Variants in CYP39A1 observed in about 807,000 individuals in gnomAD.
CYP39A1 encodes the protein cytochrome P450 family 39 subfamily A member 1.
Under a neutral mutation model 58.1 loss-of-function variants are expected in CYP39A1, and 49 were observed. The observed-to-expected ratio is 0.84, with a 90% CI of 0.67 to 1.07. The LOEUF (loss-of-function observed/expected upper bound fraction) is 1.07. CYP39A1 is among the 50% of genes least tolerant of loss of function. The pLI, the probability that CYP39A1 is intolerant of heterozygous loss-of-function variation, is 0.00. For synonymous variants in CYP39A1, 209 were observed against 187.6 expected (o/e 1.11, Z -0.93); for missense variants, 531 against 539.4 (o/e 0.98, Z 0.16).
intron 7 of CYP39A1, among the ~76,000 whole-genome samples, chr6:46,613,773 A>G (rs1453049492): frequency 6.6e-6 from 1 of 151,556 alleles, no homozygotes; most frequent in Non-Finnish European, 1.5e-5. Flanking sequence ...CCTGAATTAG[A>G]AATGAAAATT....
intron 10 of CYP39A1, among the ~76,000 whole-genome samples, chr6:46,568,905 C>T (rs895494139): frequency 7.3e-6 from 1 of 137,904 alleles, no homozygotes; most frequent in Non-Finnish European, 1.5e-5. Flanking sequence ...TCAGAATAGG[C>T]TTTTCTATTT....
intron 1 of CYP39A1, among the ~76,000 whole-genome samples, chr6:46,642,770 G>T (rs370285900): frequency 6.6e-6 from 1 of 152,076 alleles, no homozygotes; most frequent in African/African-American, 2.4e-5. Context: ...CACTTTCCTA[G>T]TTTTCAAAAT....
intron 7 of CYP39A1, among the ~76,000 whole-genome samples, chr6:46,623,672 C>T (rs1775118216): frequency 6.6e-6 from 1 of 151,934 alleles, no homozygotes; most frequent in Admixed American, 6.6e-5. Context: ...TAATTGGTTC[C>T]ATTTCTCTGG....
chr6:46,627,509 C>T (rs539702138), intron 6 of CYP39A1, among the ~76,000 whole-genome samples: 12 of 152,008 alleles, frequency 7.9e-5, no homozygotes, highest in African/African-American at 2.9e-4. Flanking sequence ...AGCTCCGCCT[C>T]CTGGGTTCAC....
intron 10 of CYP39A1, among the ~76,000 whole-genome samples, chr6:46,560,945 G>A (rs1770940611): frequency 6.6e-6 from 1 of 152,088 alleles, no homozygotes; most frequent in South Asian, 2.1e-4. Flanking sequence ...GAAGGTGTGA[G>A]CCAGCCTATC....
intron 10 of CYP39A1, among the ~76,000 whole-genome samples, chr6:46,558,437 T>C (rs1263302557): frequency 1.3e-5 from 2 of 152,044 alleles, no homozygotes; most frequent in Non-Finnish European, 2.9e-5. Context: ...TACACCATCA[T>C]ATCTCGTGAG....
intron 1 of CYP39A1, among the ~76,000 whole-genome samples, chr6:46,645,745 A>C (rs1473132693): frequency 6.6e-6 from 1 of 152,164 alleles, no homozygotes; most frequent in African/African-American, 2.4e-5. Context: ...CCTGGATATC[A>C]GTTTGGAGGA....
intron 6 of CYP39A1, among the ~76,000 whole-genome samples, chr6:46,629,852 C>T (rs956588612): frequency 6.6e-6 from 1 of 152,132 alleles, no homozygotes; most frequent in African/African-American, 2.4e-5. Context: ...GTGAGAACCT[C>T]CTGGCCCAGG....
At chr6:46,562,144 T>G (rs1771014420) in intron 10 of CYP39A1, among the ~76,000 whole-genome samples, 1 of 152,068 alleles carries the variant, frequency 6.6e-6, no homozygotes, top group Admixed American at 6.6e-5. Context: ...TCCCTCAGCC[T>G]CCTGAGTAGC....
At chr6:46,583,153 C>G in intron 10 of CYP39A1, 1 of 985,338 alleles carries the variant, frequency 1.0e-6, no homozygotes, top group Non-Finnish European at 1.2e-6. Context: ...TTCATTTTAA[C>G]TTCTCAAGTA....
chr6:46,609,537 C>T (rs1774079337), intron 7 of CYP39A1, among the ~76,000 whole-genome samples: 1 of 152,036 alleles, frequency 6.6e-6, no homozygotes, highest in South Asian at 2.1e-4. Context: ...GAATGGGTCC[C>T]TGGAGATTAG....
At chr6:46,583,330 G>GA in intron 10 of CYP39A1, 1 of 985,372 alleles carries the variant, frequency 1.0e-6, no homozygotes, top group Non-Finnish European at 1.2e-6. Context: ...TAGAACCAAG[G>GA]AAAATCAAGC....
chr6:46,588,894 A>G (rs998290500), intron 8 of CYP39A1, among the ~76,000 whole-genome samples: 2 of 152,120 alleles, frequency 1.3e-5, no homozygotes, highest in Non-Finnish European at 1.5e-5. Context: ...TCTATAAACT[A>G]TACAAAGAAC....
intron 11 of CYP39A1, among the ~76,000 whole-genome samples, chr6:46,552,379 TTCA>T (rs1208332825): frequency 6.6e-6 from 1 of 152,190 alleles, no homozygotes; most frequent in African/African-American, 2.4e-5. Flanking sequence ...CTGAGAGCTC[TTCA>T]TCACCGATAA....
chr6:46,635,069 A>G (rs767757129), intron 5 of CYP39A1, among the ~76,000 whole-genome samples: 9 of 152,208 alleles, frequency 5.9e-5, no homozygotes, highest in Non-Finnish European at 1.0e-4. Context: ...ATACCTAAAC[A>G]TTCACATAGT....
intron 7 of CYP39A1, among the ~76,000 whole-genome samples, chr6:46,597,357 G>A (rs2150526164): frequency 6.6e-6 from 1 of 152,114 alleles, no homozygotes; most frequent in Admixed American, 6.6e-5. Flanking sequence ...ACAACATGTA[G>A]GCAAAGAAAC....
intron 6 of CYP39A1, among the ~76,000 whole-genome samples, chr6:46,629,776 G>C (rs796351081): frequency 7.9e-5 from 12 of 152,226 alleles, no homozygotes; most frequent in African/African-American, 2.9e-4. Context: ...CTGTTTAGTA[G>C]AAAACAAGTA....
At chr6:46,581,218 T>C (rs1225395232) in intron 10 of CYP39A1, among the ~76,000 whole-genome samples, 2 of 152,050 alleles carry the variant, frequency 1.3e-5, no homozygotes, top group East Asian at 3.9e-4. Context: ...GACTAGCCTA[T>C]GAAACATAGT....
intron 1 of CYP39A1, among the ~76,000 whole-genome samples, chr6:46,649,779 C>T (rs777850741): frequency 2.0e-5 from 3 of 151,974 alleles, no homozygotes; most frequent in Admixed American, 6.6e-5. Context: ...GGACTTTCCC[C>T]GTAGTTTTTA....
Sources: gnomAD v4.1 joint callset for allele counts (sites outside exome capture counted in the v4.1 genomes callset) on GRCh38, gnomAD v4.1.1 for gene constraint, MANE v1.5 for transcripts, NCBI Gene and HGNC (gene_info 2026-07-23, HGNC 2026-07-21) for gene names.